CSMD1: variants seen among roughly 807,000 people sequenced by gnomAD.
CSMD1 encodes CUB and Sushi multiple domains 1.
In CSMD1, 213 loss-of-function variants were observed where a neutral mutation model predicts 417.5. That is an observed-to-expected ratio of 0.51 (90% CI 0.46 to 0.57). CSMD1 has a LOEUF of 0.57. Ranked by LOEUF, CSMD1 falls within the 20% of genes least tolerant of loss-of-function variation. The pLI is 0.00. For missense variants in CSMD1, 6,923 were observed against 4,529.7 expected (o/e 1.53, Z -15.17); for synonymous variants, 2,862 against 1,736.8 (o/e 1.65, Z -16.11).
intron 8 of CSMD1, among the ~76,000 whole-genome samples, chr8:3,607,555 G>C (rs1175871386): frequency 1.3e-5 from 2 of 152,192 alleles, no homozygotes; most frequent in African/African-American, 4.8e-5. Context: ...TGTGAGGACT[G>C]CTCTGTGCTG....
rs565728824 is a variant in CSMD1 at position 3,523,403 on chromosome 8, G to C, written c.1345-29677C>G. ...GAGGGACAAAGAAAGCTCTCAATGAGAGATCAAAGCGTTTGCAACCTAGAT... is the reference window on the plus strand; with the variant it reads ...GAGGGACAAAGAAAGCTCTCAATGACAGATCAAAGCGTTTGCAACCTAGAT... On this transcript the variant is annotated intron_variant, in intron 10 of 69. Transcript: ENST00000635120. Among the ~76,000 whole-genome samples, 3 of 152,320 alleles carry C rather than the reference G, an allele frequency of 2.0e-5. No individual in the cohort carries two copies. The East Asian group carries it at 5.8e-4, about 29-fold the overall frequency.
intron 1 of CSMD1, among the ~76,000 whole-genome samples, chr8:4,765,427 T>C (rs1392121843): frequency 6.6e-6 from 1 of 152,220 alleles, no homozygotes; most frequent in Non-Finnish European, 1.5e-5. Context: ...TAATTCACTG[T>C]ATACTGTTTC....
chr8:4,010,871 G>A (rs893985206), intron 4 of CSMD1, among the ~76,000 whole-genome samples: 5 of 152,170 alleles, frequency 3.3e-5, no homozygotes, highest in African/African-American at 9.7e-5. Flanking sequence ...ACAGCTGGAG[G>A]AATTCCAAAA....
At chr8:4,203,352 T>C (rs1585016275) in intron 3 of CSMD1, among the ~76,000 whole-genome samples, 1 of 152,118 alleles carries the variant, frequency 6.6e-6, no homozygotes, top group Admixed American at 6.6e-5. Flanking sequence ...GAAGCCAACA[T>C]CAGCCTTCCA....
chr8:3,462,885 G>A (rs1161699613), intron 12 of CSMD1, among the ~76,000 whole-genome samples: 1 of 152,170 alleles, frequency 6.6e-6, no homozygotes, highest in African/African-American at 2.4e-5. Context: ...GGTTTTCAGA[G>A]ATGGGCCAGC....
chr8:3,619,931 A>T (rs1023991649), intron 7 of CSMD1, among the ~76,000 whole-genome samples: 26 of 152,082 alleles, frequency 1.7e-4, no homozygotes, highest in African/African-American at 5.6e-4. Flanking sequence ...GTGAAACCCC[A>T]TTTCTACTAA....
chr8:4,786,816 G>T (rs937348380), intron 1 of CSMD1, among the ~76,000 whole-genome samples: 1 of 151,286 alleles, frequency 6.6e-6, no homozygotes, highest in African/African-American at 2.4e-5. Context: ...AATCCTAAAA[G>T]ACTGAGGTCT....
intron 50 of CSMD1, among the ~76,000 whole-genome samples, chr8:3,031,007 T>C (rs966467773): frequency 1.3e-5 from 2 of 151,956 alleles, no homozygotes; most frequent in Non-Finnish European, 2.9e-5. Context: ...CTCTCAAGTA[T>C]TTTTTTAGGT....
chr8:4,225,385 A>C (rs938638520), intron 3 of CSMD1, among the ~76,000 whole-genome samples: 2 of 152,162 alleles, frequency 1.3e-5, no homozygotes, highest in African/African-American at 4.8e-5. Context: ...GTTTCTCATG[A>C]ATTTCTAGTT....
At chr8:4,549,201 T>A (rs1563277169) in intron 2 of CSMD1, among the ~76,000 whole-genome samples, 1 of 152,096 alleles carries the variant, frequency 6.6e-6, no homozygotes, top group Non-Finnish European at 1.5e-5. Context: ...TTTCTGGAAA[T>A]CACTCCATTG....
intron 3 of CSMD1, among the ~76,000 whole-genome samples, chr8:4,389,761 C>G (rs533898859): frequency 6.6e-6 from 1 of 152,156 alleles, no homozygotes; most frequent in South Asian, 2.1e-4. Context: ...ATATTGTTTG[C>G]TTCTTTATTT....
At chr8:4,731,745 C>G (rs915448539) in intron 1 of CSMD1, among the ~76,000 whole-genome samples, 1 of 152,126 alleles carries the variant, frequency 6.6e-6, no homozygotes, top group Admixed American at 6.6e-5. Flanking sequence ...ACAGCAGTTA[C>G]TCTAGTAGTT....
intron 4 of CSMD1, among the ~76,000 whole-genome samples, chr8:4,005,138 G>C (rs56041615): frequency 3.3e-5 from 5 of 152,018 alleles, no homozygotes; most frequent in Non-Finnish European, 7.4e-5. Flanking sequence ...GATTTGGGGG[G>C]AAGAGTGGGA....
At chr8:4,698,442 C>T (rs1024672605) in intron 1 of CSMD1, among the ~76,000 whole-genome samples, 6 of 152,154 alleles carry the variant, frequency 3.9e-5, no homozygotes, top group Middle Eastern at 3.4e-3. Flanking sequence ...TGGTGTGATT[C>T]GCAAACTTTC....
At chr8:4,604,381 T>C (rs537951204) in intron 2 of CSMD1, among the ~76,000 whole-genome samples, 1 of 91,626 alleles carries the variant, frequency 1.1e-5, no homozygotes, top group Admixed American at 1.1e-4. Context: ...ACAAATAGCA[T>C]TGTGTGTGTG....
rs148353717 is a variant in CSMD1 at position 4,771,061 on chromosome 8, A to G, written c.86-133503T>C. Among the ~76,000 whole-genome samples the G allele has an allele frequency of 3.9e-3, 596 of 152,364 alleles. 3 individuals are homozygous for G. The highest frequency in any genetic ancestry group is 0.014 in the African/African-American group (577 of 41,592). ...GCAATATTTCCAAACCATATATCAG[A>G]TAAGGAGTTAATATTCAAGATTTGT... is the stretch of plus-strand genomic sequence containing the variant. On this transcript the variant is annotated intron_variant, in intron 1 of 69. Transcript: ENST00000635120.
intron 5 of CSMD1, among the ~76,000 whole-genome samples, chr8:3,975,667 G>A (rs969054082): frequency 2.0e-5 from 3 of 152,112 alleles, no homozygotes; most frequent in South Asian, 2.1e-4. Context: ...TCCCGATTCA[G>A]GAAATGTACA....
chr8:3,380,612 C>G (rs996877261), intron 18 of CSMD1, among the ~76,000 whole-genome samples: 1 of 152,034 alleles, frequency 6.6e-6, no homozygotes, highest in Non-Finnish European at 1.5e-5. Context: ...ATCTGGAAAC[C>G]ATCACTGTCG....
At chr8:3,460,394 T>C (rs1028091512) in intron 12 of CSMD1, among the ~76,000 whole-genome samples, 6 of 152,224 alleles carry the variant, frequency 3.9e-5, no homozygotes, top group African/African-American at 1.4e-4. Flanking sequence ...GAAACCACTT[T>C]ACAGAATATT....
Sources: gnomAD v4.1 joint callset for allele counts (sites outside exome capture counted in the v4.1 genomes callset) on GRCh38, gnomAD v4.1.1 for gene constraint, MANE v1.5 for transcripts, NCBI Gene and HGNC (gene_info 2026-07-23, HGNC 2026-07-21) for gene names.